Variants in UNC80 observed in about 807,000 individuals in gnomAD.
The protein encoded by UNC80 is unc-80 subunit of NALCN channel complex, also known as protein unc-80 homolog.
Under a neutral mutation model 384.6 loss-of-function variants are expected in UNC80, and 164 were observed. The ratio of observed to expected loss-of-function variants is 0.43; its 90% confidence interval spans 0.38 to 0.49. UNC80 has a LOEUF of 0.49. UNC80 is among the 20% of genes least tolerant of loss of function. UNC80 has a pLI of 0.00. For synonymous variants in UNC80, 1,486 were observed against 1,527.8 expected (o/e 0.97, Z 0.64); for missense variants, 3,330 against 4,143.0 (o/e 0.80, Z 5.39).
chr2:209,796,275 G>A (rs868446154), intron 7 of UNC80: 1 of 152,168 alleles, frequency 6.6e-6, no homozygotes, highest in Admixed American at 6.5e-5. Context: ...CATTTGAAAC[G>A]GCTGTGTTTA....
At chr2:209,984,063 G>C (rs1292136625) in intron 60 of UNC80, among the ~76,000 whole-genome samples, 1 of 152,158 alleles carries the variant, frequency 6.6e-6, no homozygotes, top group Non-Finnish European at 1.5e-5. Context: ...CCTCACAGAT[G>C]CTTAGCTCAA....
At chr2:209,931,367 ACAC>A (rs1230468073) in intron 38 of UNC80, among the ~76,000 whole-genome samples, 23 of 83,626 alleles carry the variant, frequency 2.8e-4, no homozygotes, top group African/African-American at 1.7e-3. Context: ...ATGTTTAAAC[ACAC>A]ACACACACAC....
At chr2:209,815,180 A>G in intron 8 of UNC80, 77 bp from the exon 9 acceptor site, 1 of 1,430,358 alleles carries the variant, frequency 7.0e-7, no homozygotes. Flanking sequence ...CATCCCTATT[A>G]AAAATGTGAC....
At chr2:209,834,696 C>T (rs185443263) in intron 17 of UNC80, among the ~76,000 whole-genome samples, 1 of 152,158 alleles carries the variant, frequency 6.6e-6, no homozygotes, top group African/African-American at 2.4e-5. Context: ...GTTAATGACT[C>T]TGTTTGCAAT....
chr2:209,969,953 C>T, intron 53 of UNC80, 62 bp downstream of exon 53: 1 of 1,533,020 alleles, frequency 6.5e-7, no homozygotes, highest in Non-Finnish European at 8.8e-7. Context: ...ATTGACTTCT[C>T]TGAATTGAAG....
intron 4 of UNC80, among the ~76,000 whole-genome samples, chr2:209,781,896 T>G (rs1414759761): frequency 6.6e-6 from 1 of 152,224 alleles, no homozygotes; most frequent in African/African-American, 2.4e-5. Context: ...GATTCTATAT[T>G]TTAGATAATG....
At chr2:209,813,882 T>C in intron 8 of UNC80, 41 bp downstream of exon 8, 1 of 1,538,568 alleles carries the variant, frequency 6.5e-7, no homozygotes, top group Non-Finnish European at 8.8e-7. Context: ...ACCAGCAACT[T>C]TGCCATAATG....
At position 209,805,804 on chromosome 2, in the gene UNC80, C is replaced by A. The variant is rs575541904; in HGVS notation, c.939-7776C>A. Among the ~76,000 whole-genome samples the A allele has an allele frequency of 2.2e-4, 34 of 152,332 alleles. No individual in the cohort carries two copies. The South Asian group carries it at 6.8e-3, about 31-fold the overall frequency. ...CCTAATCTCTGAAATGACATACCAT[C>A]AATTCTGCTATACTCTTTGGATCAC... On this transcript the variant is annotated intron_variant, in intron 7 of 64. Transcript: ENST00000673920.
rs1261844105 is a variant in UNC80, at chr2:209,777,408, A to G, written c.449A>G (p.His150Arg). ...GGTGGAAGCAGCAGTGCTTTCATCC[A>G]CCAGGTTGAAAACCAGGGTTCTCCA... is the stretch of plus-strand genomic sequence containing the variant. ...SWGGSSSAFI[H>R]QVENQGSPGQ... Residue 150 changes from histidine to arginine, a missense_variant, in exon 4 of 65, where the codon CAC becomes CGC. His to Arg is a conservative substitution (Grantham distance 29). This residue lies in a region of UNC80 where 937 missense variants were observed against 1,026.8 expected (regional missense o/e 0.91). Transcript: ENST00000673920. 2 of 1,614,190 alleles carry G rather than the reference A, an allele frequency of 1.2e-6. No homozygotes were observed. Among genetic ancestry groups the G allele is most frequent in the South Asian group, 1.1e-5 (1 of 91,088 alleles).
chr2:209,992,665 G>C (rs1187660950), intron 62 of UNC80, among the ~76,000 whole-genome samples: 1 of 152,144 alleles, frequency 6.6e-6, no homozygotes, highest in Non-Finnish European at 1.5e-5. Context: ...TCCTTACCCA[G>C]AAACTTTCTT....
chr2:209,918,403 T>C, intron 32 of UNC80, 129 bp from the exon 33 acceptor site: 1 of 1,112,050 alleles, frequency 9.0e-7, no homozygotes, highest in South Asian at 1.8e-5. Flanking sequence ...TTTCTAAAAT[T>C]CTTGTTCATT....
intron 1 of UNC80, 21 bp downstream of exon 1, chr2:209,772,185 A>G: frequency 1.3e-6 from 2 of 1,518,456 alleles, no homozygotes; most frequent in Middle Eastern, 2.3e-4. Context: ...CAGAGGGCGC[A>G]CCGCGGGCCG....
rs1466260815 is a variant in UNC80, at chr2:209,789,400, A to G, written c.725-132A>G. On this transcript the variant is annotated intron_variant, in intron 5 of 64. Transcript: ENST00000673920. ...TGGTTATTTGAATATCTCTTACAAT[A>G]TGCGTTAATGTCTTCTTTTAAAGTA... is the stretch of plus-strand genomic sequence containing the variant. The G allele has an allele frequency of 4.7e-6, 3 of 632,138 alleles. No individual in the cohort carries two copies. The African/African-American group carries it at 5.6e-5, about 12-fold the overall frequency. The allele number at this position is 632,138 out of a possible 1,614,324, so 39.2% of individuals were successfully genotyped here. A position where few individuals can be genotyped will look rare whatever the true frequency, so the allele number is the denominator to read the frequency against.
intron 7 of UNC80, among the ~76,000 whole-genome samples, chr2:209,798,964 G>A (rs1432590153): frequency 1.7e-4 from 25 of 150,200 alleles, no homozygotes; most frequent in African/African-American, 4.6e-4. Flanking sequence ...GATTACAGGC[G>A]CGATCCACCG....
chr2:209,807,699 T>C (rs1438855939), intron 7 of UNC80, among the ~76,000 whole-genome samples: 1 of 151,840 alleles, frequency 6.6e-6, no homozygotes, highest in Non-Finnish European at 1.5e-5. Context: ...TGAAAATTTA[T>C]TTCTCACATG....
chr2:209,920,529 T>C (rs1011459363), intron 33 of UNC80, among the ~76,000 whole-genome samples: 3 of 152,250 alleles, frequency 2.0e-5, no homozygotes, highest in Admixed American at 2.0e-4. Context: ...TCTTCATTGT[T>C]CCTGATCCTT....
At chr2:209,946,947 G>A (rs1169317407) in intron 47 of UNC80, among the ~76,000 whole-genome samples, 1 of 152,190 alleles carries the variant, frequency 6.6e-6, no homozygotes, top group African/African-American at 2.4e-5. Flanking sequence ...GGACACATGA[G>A]GAATGAGTAA....
chr2:209,903,363 A>G (rs576237527), intron 28 of UNC80, among the ~76,000 whole-genome samples: 2 of 122,018 alleles, frequency 1.6e-5, no homozygotes, highest in East Asian at 4.3e-4. Context: ...GACAGTGTGG[A>G]CTCCCTGCAG....
chr2:209,826,098 C>G, intron 14 of UNC80, 45 bp downstream of exon 14: 1 of 1,513,522 alleles, frequency 6.6e-7, no homozygotes, highest in Non-Finnish European at 8.9e-7. Context: ...CTCTTCCTTC[C>G]CTTCTGTTTA....
Sources: gnomAD v4.1 joint callset for allele counts (sites outside exome capture counted in the v4.1 genomes callset) on GRCh38, gnomAD v4.1.1 for gene constraint, gnomAD v4.1.1 regional missense constraint, MANE v1.5 for transcripts, NCBI Gene and HGNC (gene_info 2026-07-23, HGNC 2026-07-21) for gene names.